CDKL1: variants seen among roughly 807,000 people sequenced by gnomAD.
The protein encoded by CDKL1 is cyclin-dependent kinase-like 1.
A neutral mutation model predicts 42.0 loss-of-function variants in CDKL1; 41 were observed. The ratio of observed to expected loss-of-function variants is 0.98; its 90% CI spans 0.76 to 1.27. CDKL1 has a LOEUF of 1.27. Among genes scored for constraint, CDKL1 ranks in the 50% most tolerant of loss-of-function variants. The pLI is 0.00. For synonymous variants in CDKL1, 153 were observed against 158.6 expected (o/e 0.96, Z 0.26); for missense variants, 394 against 428.4 (o/e 0.92, Z 0.71).
intron 7 of CDKL1, chr14:50,335,695 A>C (rs892038664): frequency 4.7e-6 from 7 of 1,475,068 alleles, no homozygotes; most frequent in Non-Finnish European, 4.5e-6. Context: ...AAGTGACTGC[A>C]GTGCATTGTG....
chr14:50,345,077 C>T lies in CDKL1; in HGVS notation c.291-19G>A. ...TGGTACCCTAATAAAAATAAAGCAG[C>T]ACAAACACATTCTTTAGTGTAGCCA... is the stretch of plus-strand genomic sequence containing the variant. On this transcript the variant is annotated intron_variant, in intron 3 of 9. Coordinates refer to ENST00000395834, the MANE Select transcript of CDKL1 (RefSeq NM_004196.7). The T allele has an allele frequency of 6.2e-7, 1 of 1,608,686 alleles. No homozygotes were observed. Among genetic ancestry groups the T allele is most frequent in the Non-Finnish European group, 8.5e-7 (1 of 1,176,098 alleles).
At chr14:50,358,058 C>A in intron 3 of CDKL1, 1 of 1,348,000 alleles carries the variant, frequency 7.4e-7, no homozygotes, top group South Asian at 1.1e-5. Context: ...CAGGAAGGGA[C>A]CCCCTCCTCC....
chr14:50,350,687 A>T (rs559281925), intron 3 of CDKL1, among the ~76,000 whole-genome samples: 4 of 152,270 alleles, frequency 2.6e-5, no homozygotes, highest in Admixed American at 2.6e-4. Context: ...AGCTCCCCCG[A>T]CCTAGAAATG....
intron 2 of CDKL1, among the ~76,000 whole-genome samples, chr14:50,393,011 C>A (rs1015242485): frequency 2.0e-5 from 3 of 152,150 alleles, no homozygotes; most frequent in African/African-American, 7.2e-5. Flanking sequence ...CTCTCCCTGG[C>A]CTGTTAGCAC....
chr14:50,338,885 G>T, intron 7 of CDKL1, 62 bp downstream of exon 7: 3 of 1,057,024 alleles, frequency 2.8e-6, no homozygotes, highest in South Asian at 1.3e-5. Flanking sequence ...CTCAGGAGGT[G>T]AATAACAACC....
Position 50,341,168 on chromosome 14 carries a change from C to T in CDKL1, c.519G>A (p.Leu173=), listed in dbSNP as rs755571139. 1 of 1,614,192 alleles carries T rather than the reference C, an allele frequency of 6.2e-7. No homozygotes were observed. The highest frequency in any genetic ancestry group is 8.5e-7 in the Non-Finnish European group (1 of 1,180,036). ...GGGGGCCGTACTGCGTGTCCCCCACCAGCAGCTCAGGGGAGCGGTACCACC... is the reference window on the plus strand; with the variant it reads ...GGGGGCCGTACTGCGTGTCCCCCACTAGCAGCTCAGGGGAGCGGTACCACC... ...ATRWYRSPEL[L]VGDTQYGPPV... is the part of the protein sequence containing the mutation. The change falls in exon 6 of 10, where the codon CTG becomes CTA. Residue 173 remains leucine (L), a synonymous_variant. Transcript: ENST00000395834.
At chr14:50,390,125 C>T (rs201655222) in intron 2 of CDKL1, 173 of 1,363,696 alleles carry the variant, frequency 1.3e-4, no homozygotes, top group Middle Eastern at 1.3e-3. Flanking sequence ...TCCCTTGCCC[C>T]TACCTGCCAC....
chr14:50,363,022 G>A (rs912077055), intron 2 of CDKL1: 2 of 448,722 alleles, frequency 4.5e-6, no homozygotes, highest in South Asian at 1.6e-5. Flanking sequence ...TTGAAGCCAG[G>A]GAGACCACGA....
intron 2 of CDKL1, chr14:50,390,090 T>A: frequency 8.7e-7 from 1 of 1,148,202 alleles, no homozygotes; most frequent in South Asian, 1.2e-5. Context: ...CAATGATACT[T>A]GGCAGTTTGT....
chr14:50,376,552 C>G, intron 2 of CDKL1: 1 of 236,026 alleles, frequency 4.2e-6, no homozygotes, highest in Non-Finnish European at 9.4e-6. Context: ...TTAATAGAGG[C>G]CTATCTATTG....
intron 4 of CDKL1, among the ~76,000 whole-genome samples, chr14:50,343,440 T>G (rs3783416): frequency 0.71 from 108,283 of 151,948 alleles, 38,752 homozygotes; most frequent in East Asian, 0.81. Context: ...AAATTTGGGG[T>G]AAATAAAACA....
intron 2 of CDKL1, among the ~76,000 whole-genome samples, chr14:50,363,511 G>C (rs1221515657): frequency 6.6e-6 from 1 of 152,156 alleles, no homozygotes; most frequent in East Asian, 1.9e-4. Flanking sequence ...GAAAGCAGAA[G>C]TTTTCTTTCA....
chr14:50,328,253 C>T lies in CDKL1; in HGVS notation c.*1821G>A, dbSNP rs775553128. Reference sequence around the variant, plus strand: ...ATTTTTTTTTAACTATTCACGGAAGCTGGATGTTCTTCCTTGTCATTTGAA... The same window carrying T: ...ATTTTTTTTTAACTATTCACGGAAGTTGGATGTTCTTCCTTGTCATTTGAA... On this transcript the variant is annotated 3_prime_UTR_variant, in exon 10 of 10. Coordinates refer to ENST00000395834, the MANE Select transcript of CDKL1 (RefSeq NM_004196.7). The T allele has an allele frequency of 7.9e-5, 12 of 152,058 alleles. No individual in the cohort carries two copies. The highest frequency in any genetic ancestry group is 1.5e-4 in the Non-Finnish European group (10 of 68,024). The allele number at this position is 152,058 out of a possible 1,614,324, so 9.4% of individuals were successfully genotyped here. A position where few individuals can be genotyped will look rare whatever the true frequency, so the allele number is the denominator to read the frequency against.
Position 50,342,191 on chromosome 14 carries a change from A to G in CDKL1, c.395T>C (p.Ile132Thr), listed in dbSNP as rs1464573026. Residue 132 changes from isoleucine (I) to threonine (T), a missense_variant, in exon 5 of 10, where the codon ATC becomes ACC. Coordinates refer to ENST00000395834, the MANE Select transcript of CDKL1 (RefSeq NM_004196.7). ...AATCACGGAATGTTTCGTGATGAGG[A>G]TATTTTCTGGCTTCACGTCTCTATG... The part of the protein sequence containing the change: ...CIHRDVKPEN[I>T]LITKHSVIKL... 1 of 1,614,160 alleles carries G rather than the reference A, an allele frequency of 6.2e-7. No homozygotes were observed. The highest frequency in any genetic ancestry group is 2.2e-5 in the East Asian group (1 of 44,862).
At position 50,378,709 on chromosome 14, in the gene CDKL1, A is replaced by T. The variant is rs538545463; in HGVS notation, c.168+16992T>A. Among the ~76,000 whole-genome samples the T allele has an allele frequency of 3.3e-4, 50 of 151,846 alleles. No individual in the cohort carries two copies. In the South Asian group the frequency reaches 6.5e-3, roughly 20 times the overall value. ...TGACCATGGCTGGATAATTAAAAAAATTTTTTTTGTGGAGACAGGGTCTTA... is the reference window on the plus strand; with the variant it reads ...TGACCATGGCTGGATAATTAAAAAATTTTTTTTTGTGGAGACAGGGTCTTA... On this transcript the variant is annotated intron_variant, in intron 2 of 9. Transcript: ENST00000395834.
chr14:50,383,348 G>T (rs1007728359), intron 2 of CDKL1, among the ~76,000 whole-genome samples: 3 of 151,888 alleles, frequency 2.0e-5, no homozygotes, highest in African/African-American at 7.2e-5. Context: ...TCAGGAGTTC[G>T]AGACCAGCCG....
intron 7 of CDKL1, among the ~76,000 whole-genome samples, chr14:50,337,426 A>G (rs903209945): frequency 1.3e-5 from 2 of 150,240 alleles, no homozygotes; most frequent in African/African-American, 4.9e-5. Context: ...ATCATAGTTT[A>G]CTGTAACCTC....
At chr14:50,355,940 A>T (rs910212279) in intron 3 of CDKL1, among the ~76,000 whole-genome samples, 1 of 152,192 alleles carries the variant, frequency 6.6e-6, no homozygotes, top group African/African-American at 2.4e-5. Context: ...AAGATCTTGT[A>T]TCTCATGCTG....
chr14:50,351,734 CAA>C (rs1199112239), intron 3 of CDKL1, among the ~76,000 whole-genome samples: 35 of 62,894 alleles, frequency 5.6e-4, no homozygotes, highest in Admixed American at 1.5e-3. Context: ...GGCCTTGTCT[CAA>C]AAAAAAAAAA....
Sources: gnomAD v4.1 joint callset for allele counts (sites outside exome capture counted in the v4.1 genomes callset) on GRCh38, gnomAD v4.1.1 for gene constraint, MANE v1.5 for transcripts, NCBI Gene and HGNC (gene_info 2026-07-23, HGNC 2026-07-21) for gene names.